ACTB: variants seen among roughly 807,000 people sequenced by gnomAD.
The protein encoded by ACTB is actin beta.
A neutral mutation model predicts 30.5 loss-of-function variants in ACTB; 2 were observed. The ratio of observed to expected loss-of-function variants is 0.07; its 90% CI spans 0.03 to 0.21. The LOEUF is 0.21. ACTB is among the 10% of genes least tolerant of loss of function. The probability of loss-of-function intolerance (pLI) is 1.00; values close to 1 mark genes in which losing one functional copy is unlikely to be tolerated. For missense variants in ACTB, 56 were observed against 530.0 expected (o/e 0.11, Z 8.78); for synonymous variants, 335 against 217.6 (o/e 1.54, Z -4.75).
In ACTB at chr7:5,529,054, A is replaced by T. The variant is rs1291110830; in HGVS notation, c.363+107T>A. The T allele has an allele frequency of 3.1e-6, 5 of 1,613,116 alleles. No individual in the cohort carries two copies. The East Asian group carries it at 1.1e-4, about 36-fold the overall frequency. ...CCAAAGGAGACTCAGGTCAGAGAAG[A>T]GAGTCCTACGGAAAACGGCAGAAGA... On this transcript the variant is annotated intron_variant, in intron 3 of 5. Coordinates refer to ENST00000646664, the MANE Select transcript of ACTB (RefSeq NM_001101.5).
rs1488511656 is a variant in ACTB at position 5,527,910 on chromosome 7, A to G, written c.985-19T>C. ...CAATGATCTGAGGAGGGAAGGGGAC[A>G]GGCAGTGAGGACCCTGGATGTGACA... is the stretch of plus-strand genomic sequence containing the variant. On this transcript the variant is annotated intron_variant, in intron 5 of 5. Coordinates refer to ENST00000646664, the MANE Select transcript of ACTB (RefSeq NM_001101.5). 2 of 1,612,990 alleles carry G rather than the reference A, an allele frequency of 1.2e-6. No individual in the cohort carries two copies. The highest frequency in any genetic ancestry group is 2.2e-5 in the East Asian group (1 of 44,884).
intron 2 of ACTB, 34 bp from the exon 3 acceptor site, chr7:5,529,434 G>C (rs375725043): frequency 6.2e-7 from 1 of 1,613,698 alleles, no homozygotes; most frequent in South Asian, 1.1e-5. Flanking sequence ...CCTGAGCACG[G>C]GCGCAGCCCC....
intron 1 of ACTB, 192 bp from the exon 2 acceptor site, chr7:5,529,855 A>G (rs1784849230): frequency 2.1e-6 from 2 of 963,702 alleles, no homozygotes; most frequent in African/African-American, 3.3e-5. Context: ...CGCGGCAGGA[A>G]GCCAGGCCCC....
At position 5,528,154 on chromosome 7, in the gene ACTB, G is replaced by T. The variant is rs754810018; in HGVS notation, c.834C>A (p.Thr278=). The change falls in exon 5 of 6, where the codon ACC becomes ACA. Residue 278 remains threonine, a synonymous_variant. Coordinates refer to ENST00000646664, the MANE Select transcript of ACTB (RefSeq NM_001101.5). Reference sequence around the variant, plus strand: ...CGTCACACTTCATGATGGAGTTGAAGGTAGTTTCGTGGATGCCACAGGACT... The same window carrying T: ...CGTCACACTTCATGATGGAGTTGAATGTAGTTTCGTGGATGCCACAGGACT... The part of the protein sequence containing the change: ...GMESCGIHET[T]FNSIMKCDVD... The T allele has an allele frequency of 5.6e-6, 9 of 1,614,112 alleles. No homozygotes were observed. The Admixed American group carries it at 1.0e-4, about 18-fold the overall frequency.
chr7:5,527,711 T>G lies in ACTB; in HGVS notation c.*37A>C. 13 of 1,612,092 alleles carry G rather than the reference T, an allele frequency of 8.1e-6. No individual in the cohort carries two copies. Among genetic ancestry groups the G allele is most frequent in the Non-Finnish European group, 1.1e-5 (13 of 1,179,804 alleles). ...TGTTTTCTGCGCAAGTTAGGTTTTG[T>G]CAAGAAAGGGTGTAACGCAACTAAG... is the stretch of plus-strand genomic sequence containing the variant. On this transcript the variant is annotated 3_prime_UTR_variant, in exon 6 of 6. Coordinates refer to ENST00000646664, the MANE Select transcript of ACTB (RefSeq NM_001101.5).
rs201751191 is a variant in ACTB at position 5,529,668 on chromosome 7, G to A, written c.-6-5C>T. On this transcript the variant is annotated splice_polypyrimidine_tract_variant and splice_region_variant and intron_variant, in intron 1 of 5. Transcript: ENST00000646664. ...GATATCATCATCCATGGTGAGCTGC[G>A]AGAATAGCCGGGCGCGCTGTGAGCC... 302 of 1,610,846 alleles carry A rather than the reference G, an allele frequency of 1.9e-4. No homozygotes were observed. The highest frequency in any genetic ancestry group is 2.4e-4 in the Non-Finnish European group (288 of 1,179,164).
Position 5,527,441 on chromosome 7 carries a change from TG to T in ACTB, c.*306del, listed in dbSNP as rs1216285434. 1.2e-4 allele frequency: 59 copies of T among 473,378 alleles called. No individual in the cohort carries two copies. The Admixed American group carries it at 2.0e-3, about 16-fold the overall frequency. 29.3% of individuals were successfully genotyped at this position (473,378 alleles called of 1,614,324 possible). On this transcript the variant is annotated 3_prime_UTR_variant, in exon 6 of 6. Coordinates refer to ENST00000646664, the MANE Select transcript of ACTB (RefSeq NM_001101.5). ...CTGGGCCATTCTCCTTAGAGAGAAG[TG>T]GGGTGGCTTTTAGGATGGCAAGGGA...
chr7:5,530,255 C>G (rs1330520514), intron 1 of ACTB, among the ~76,000 whole-genome samples: 6 of 151,894 alleles, frequency 4.0e-5, no homozygotes, highest in Non-Finnish European at 7.4e-5. Context: ...GAGCCCGGCT[C>G]AGACAAAGAC....
In ACTB at chr7:5,528,025, T is replaced by A. The variant is rs1441616028; in HGVS notation, c.963A>T (p.Ala321=). 6.2e-7 allele frequency: 1 copy of A among 1,614,072 alleles called. No homozygotes were observed. The highest frequency in any genetic ancestry group is 2.2e-5 in the East Asian group (1 of 44,902). The change falls in exon 5 of 6, where the codon GCA becomes GCT. Residue 321 remains alanine (A), a synonymous_variant. Coordinates refer to ENST00000646664, the MANE Select transcript of ACTB (RefSeq NM_001101.5). The part of the protein sequence containing the change: ...DRMQKEITAL[A]PSTMKIKIIA... ...CCACCTTGATCTTCATTGTGCTGGG[T>A]GCCAGGGCAGTGATCTCCTTCTGCA...
At position 5,529,673 on chromosome 7, in the gene ACTB, T is replaced by C. The variant is rs201258445; in HGVS notation, c.-6-10A>G. On this transcript the variant is annotated splice_polypyrimidine_tract_variant and intron_variant, in intron 1 of 5. Coordinates refer to ENST00000646664, the MANE Select transcript of ACTB (RefSeq NM_001101.5). ...CATCATCCATGGTGAGCTGCGAGAA[T>C]AGCCGGGCGCGCTGTGAGCCGAGGT... is the stretch of plus-strand genomic sequence containing the variant. The C allele has an allele frequency of 1.1e-5, 17 of 1,610,826 alleles. No homozygotes were observed. Among genetic ancestry groups the C allele is most frequent in the Admixed American group, 6.7e-5 (4 of 59,990 alleles).
chr7:5,529,476 G>C, intron 2 of ACTB, 59 bp downstream of exon 2: 2 of 1,612,970 alleles, frequency 1.2e-6, no homozygotes, highest in Non-Finnish European at 1.7e-6. Context: ...CCTGTGCAGA[G>C]AAAGCGCCCT....
intron 3 of ACTB, 59 bp from the exon 4 acceptor site, chr7:5,528,778 G>A: frequency 6.3e-7 from 1 of 1,581,784 alleles, no homozygotes; most frequent in Non-Finnish European, 8.7e-7. Context: ...AGCCAGGCCA[G>A]ACGGGGGACA....
At position 5,528,192 on chromosome 7, in the gene ACTB, G is replaced by A. The variant is rs780471227; in HGVS notation, c.803-7C>T. ...ATGCCACAGGACTCCATGCCTGAGA[G>A]GGAAATGAGGGCAGGACTTAGCTTC... On this transcript the variant is annotated splice_region_variant and splice_polypyrimidine_tract_variant and intron_variant, in intron 4 of 5. Coordinates refer to ENST00000646664, the MANE Select transcript of ACTB (RefSeq NM_001101.5). 9 of 1,613,860 alleles carry A rather than the reference G, an allele frequency of 5.6e-6. No individual in the cohort carries two copies. Among genetic ancestry groups the A allele is most frequent in the African/African-American group, 2.7e-5 (2 of 75,052 alleles).
intron 3 of ACTB, 155 bp downstream of exon 3, chr7:5,529,006 A>C (rs1434673986): frequency 6.2e-7 from 1 of 1,605,458 alleles, no homozygotes; most frequent in African/African-American, 1.3e-5. Context: ...ATCTGGGAAA[A>C]AGCAAATAGA....
Position 5,528,363 on chromosome 7 carries a change from G to A in ACTB, c.720C>T (p.Tyr240=), listed in dbSNP as rs145793213. The part of the protein sequence containing the change: ...AASSSSLEKS[Y]ELPDGQVITI... ...TGATGACCTGGCCGTCAGGCAGCTC[G>A]TAGCTCTTCTCCAGGGAGGAGCTGG... Residue 240 remains tyrosine (Y), a synonymous_variant, in exon 4 of 6, where the codon TAC becomes TAT. Transcript: ENST00000646664. 5.3e-5 allele frequency: 86 copies of A among 1,614,138 alleles called. No homozygotes were observed. In the South Asian group the frequency reaches 7.1e-4, roughly 13 times the overall value.
In ACTB at chr7:5,529,389, C is replaced by T. The variant is rs1256317969; in HGVS notation, c.135G>A (p.Val45=). The stretch of plus-strand genomic sequence containing the variant: ...CATAGGAATCCTTCTGACCCATGCC[C>T]ACCATCACGCCCTGGGAAGGAAAGG... ...VGRPRHQGVM[V]GMGQKDSYVG... is the part of the protein sequence containing the mutation. The change falls in exon 3 of 6, where the codon GTG becomes GTA. Residue 45 remains valine (V), a synonymous_variant. Transcript: ENST00000646664. 5 of 1,613,918 alleles carry T rather than the reference C, an allele frequency of 3.1e-6. No individual in the cohort carries two copies. Among genetic ancestry groups the T allele is most frequent in the East Asian group, 2.2e-5 (1 of 44,892 alleles).
chr7:5,530,058 AC>A (rs879269681), intron 1 of ACTB: 5 of 154,168 alleles, frequency 3.2e-5, no homozygotes, highest in Non-Finnish European at 7.2e-5. Context: ...AGGCCGCGGC[AC>A]CCCGGGCCCC....
rs1784787352 is a variant in ACTB at position 5,527,425 on chromosome 7, T to C, written c.*323A>G. Reference sequence around the variant, plus strand: ...TGGACTTGGGAGAGGACTGGGCCATTCTCCTTAGAGAGAAGTGGGGTGGCT... The same window carrying C: ...TGGACTTGGGAGAGGACTGGGCCATCCTCCTTAGAGAGAAGTGGGGTGGCT... On this transcript the variant is annotated 3_prime_UTR_variant, in exon 6 of 6. Coordinates refer to ENST00000646664, the MANE Select transcript of ACTB (RefSeq NM_001101.5). The C allele has an allele frequency of 2.2e-6, 1 of 455,146 alleles. No homozygotes were observed. Among genetic ancestry groups the C allele is most frequent in the South Asian group, 2.1e-5 (1 of 46,618 alleles). 28.2% of individuals were successfully genotyped at this position (455,146 alleles called of 1,614,324 possible).
At position 5,530,569 on chromosome 7, in the gene ACTB, C is replaced by G. The variant is rs1363883402; in HGVS notation, c.-52G>C. 1 of 152,386 alleles carries G rather than the reference C, an allele frequency of 6.6e-6. No homozygotes were observed. Among genetic ancestry groups the G allele is most frequent in the African/African-American group, 2.4e-5 (1 of 41,350 alleles). 9.4% of individuals were successfully genotyped at this position (152,386 alleles called of 1,614,324 possible). On this transcript the variant is annotated 5_prime_UTR_variant, in exon 1 of 6. Transcript: ENST00000646664. ...GCGGCGGATCGGCAAAGGCGAGGCTCTGTGCTCGCGGGGCGGACGCGGTCT... is the reference window on the plus strand; with the variant it reads ...GCGGCGGATCGGCAAAGGCGAGGCTGTGTGCTCGCGGGGCGGACGCGGTCT...
Sources: gnomAD v4.1 joint callset for allele counts (sites outside exome capture counted in the v4.1 genomes callset) on GRCh38, gnomAD v4.1.1 for gene constraint, MANE v1.5 for transcripts, NCBI Gene and HGNC (gene_info 2026-07-23, HGNC 2026-07-21) for gene names.